The following ZNF277 variants were observed in gnomAD, a reference collection of about 807,000 sequenced individuals.
ZNF277 encodes zinc finger protein 277, also known as nuclear receptor-interacting factor 4.
A neutral mutation model predicts 60.7 loss-of-function variants in ZNF277; 55 were observed. That is an observed-to-expected ratio of 0.91 (90% CI 0.73 to 1.13). The LOEUF (loss-of-function observed/expected upper bound fraction) is 1.13, where lower values mean the gene tolerates loss of function less well. Ranked by LOEUF, ZNF277 falls within the 50% of genes most tolerant of loss-of-function variation. The pLI is 0.00. For synonymous variants in ZNF277, 178 were observed against 179.3 expected (o/e 0.99, Z 0.06); for missense variants, 510 against 523.0 (o/e 0.98, Z 0.24).
rs115231140 is a variant in ZNF277 at position 112,250,885 on chromosome 7, G to T, written c.92-35988G>T. Among the ~76,000 whole-genome samples, 915 of 152,190 alleles carry T rather than the reference G, an allele frequency of 6.0e-3. 9 individuals carry two copies. The highest frequency in any genetic ancestry group is 0.021 in the African/African-American group (860 of 41,524). ...CATTAATTTTTATCCAAATCATTTT[G>T]CATCTTCTACCAGTCTCCCTTCTTC... On this transcript the variant is annotated intron_variant, in intron 1 of 11. Transcript: ENST00000361822.
intron 1 of ZNF277, among the ~76,000 whole-genome samples, chr7:112,283,416 G>A (rs909094342): frequency 9.2e-5 from 14 of 152,034 alleles, no homozygotes; most frequent in African/African-American, 2.4e-4. Flanking sequence ...CCAGCTACTC[G>A]GAAGGCTGAC....
chr7:112,340,930 A>T lies in ZNF277; in HGVS notation c.1068A>T (p.Gln356His), dbSNP rs753974086. ...LVNFIRRQVH[Q>H]CRCYGCHVKF... ...ATTTTATTCGGAGGCAAGTTCACCA[A>T]TGCAGATGTTATGGCTGCCATGTGA... The change falls in exon 11 of 12, where the codon CAA (glutamine) becomes CAT (histidine). Residue 356 changes from glutamine to histidine, a missense_variant. Physicochemically the swap from Gln to His is conservative, Grantham distance 24. Transcript: ENST00000361822. 1 of 1,612,926 alleles carries T rather than the reference A, an allele frequency of 6.2e-7. No homozygotes were observed. Among genetic ancestry groups the T allele is most frequent in the Non-Finnish European group, 8.5e-7 (1 of 1,179,602 alleles).
At chr7:112,319,924 A>G (rs1445496815) in intron 5 of ZNF277, among the ~76,000 whole-genome samples, 1 of 151,916 alleles carries the variant, frequency 6.6e-6, no homozygotes, top group African/African-American at 2.4e-5. Context: ...CCATGCCACC[A>G]TCAGAAAATT....
intron 1 of ZNF277, among the ~76,000 whole-genome samples, chr7:112,269,022 A>G (rs992588654): frequency 1.3e-5 from 2 of 152,160 alleles, no homozygotes; most frequent in African/African-American, 4.8e-5. Flanking sequence ...ACAGTTTGTT[A>G]TCTGGCATTA....
chr7:112,302,949 CT>C (rs34593342), intron 4 of ZNF277, among the ~76,000 whole-genome samples: 17,121 of 132,562 alleles, frequency 0.13, 718 homozygotes, highest in Middle Eastern at 0.17. Context: ...GCAAATAGGC[CT>C]TTTTTTTTTT....
chr7:112,312,649 C>G (rs773581053), intron 4 of ZNF277, among the ~76,000 whole-genome samples: 1 of 151,908 alleles, frequency 6.6e-6, no homozygotes, highest in African/African-American at 2.4e-5. Flanking sequence ...TCACAGTTAC[C>G]GAATGTAAAT....
chr7:112,321,640 T>C (rs1343506096), intron 5 of ZNF277, among the ~76,000 whole-genome samples: 1 of 152,160 alleles, frequency 6.6e-6, no homozygotes, highest in East Asian at 1.9e-4. Flanking sequence ...CAGTTTCTTG[T>C]TGGAGAGATC....
At chr7:112,286,841 C>CTTTTTTTCTTTTTT (rs1792074355) in intron 1 of ZNF277, 32 bp from the exon 2 acceptor site, 1 of 788,896 alleles carries the variant, frequency 1.3e-6, no homozygotes, top group African/African-American at 3.1e-5. Flanking sequence ...TTCTTTCTTT[C>CTTTTTTTCTTTTTT]TTTTTTTTTT....
chr7:112,292,525 G>GA (rs1053990010), intron 2 of ZNF277, among the ~76,000 whole-genome samples: 6 of 152,018 alleles, frequency 3.9e-5, no homozygotes, highest in Non-Finnish European at 8.8e-5. Flanking sequence ...TCTCTGAGGG[G>GA]AAAAAAATGC....
At position 112,235,849 on chromosome 7, in the gene ZNF277, CT is replaced by C. The variant is rs554267386; in HGVS notation, c.91+29043del. The stretch of plus-strand genomic sequence containing the variant: ...CATTTCCTAACCAAAAAAGCTCTGC[CT>C]AATCCAAGGTCATTAATATTGACCC... On this transcript the variant is annotated intron_variant, in intron 1 of 11. Transcript: ENST00000361822. Among the ~76,000 whole-genome samples, 181 of 151,938 alleles carry C rather than the reference CT, an allele frequency of 1.2e-3. 2 individuals are homozygous for C. Among genetic ancestry groups the C allele is most frequent in the Middle Eastern group, 3.4e-3 (1 of 294 alleles).
At chr7:112,226,338 C>T (rs1563196981) in intron 1 of ZNF277, among the ~76,000 whole-genome samples, 1 of 152,160 alleles carries the variant, frequency 6.6e-6, no homozygotes, top group Non-Finnish European at 1.5e-5. Flanking sequence ...GGAGATGTAG[C>T]ATCCTTTAAG....
At chr7:112,241,448 AG>A (rs1315167229) in intron 1 of ZNF277, among the ~76,000 whole-genome samples, 2 of 152,156 alleles carry the variant, frequency 1.3e-5, no homozygotes, top group Admixed American at 1.3e-4. Flanking sequence ...AACAGTTTGG[AG>A]GTTGCTCAAA....
At chr7:112,260,993 A>C (rs892294499) in intron 1 of ZNF277, among the ~76,000 whole-genome samples, 3 of 152,206 alleles carry the variant, frequency 2.0e-5, no homozygotes, top group African/African-American at 7.2e-5. Context: ...GTGAGAAAGA[A>C]AGATCAGAAC....
At position 112,337,749 on chromosome 7, in the gene ZNF277, G is replaced by T. The variant is rs765952686; in HGVS notation, c.889G>T (p.Glu297Ter). Residue 297 changes from glutamate to a stop codon, truncating the protein, a stop_gained, in exon 9 of 12, where the codon GAA (glutamate) becomes TAA (stop). Transcript: ENST00000361822. LOFTEE classifies it high-confidence loss of function. ...HQEDDWSDWE[E>*]HPASAVCLFC... ...ATTCAGTGACTGGTCTGATTGGGAA[G>T]AACACCCTGCCTCTGCAGTCTGCTT... The T allele has an allele frequency of 6.2e-7, 1 of 1,612,236 alleles. No homozygotes were observed. The highest frequency in any genetic ancestry group is 1.7e-5 in the Admixed American group (1 of 59,970).
chr7:112,311,229 G>A (rs1792724868), intron 4 of ZNF277, among the ~76,000 whole-genome samples: 1 of 152,026 alleles, frequency 6.6e-6, no homozygotes, highest in Non-Finnish European at 1.5e-5. Context: ...TCTGCTTTTA[G>A]CTTATGAATA....
rs1382865928 is a variant in ZNF277 at position 112,249,427 on chromosome 7, CG to C, written c.92-37442del. On this transcript the variant is annotated intron_variant, in intron 1 of 11. Transcript: ENST00000361822. ...GAGCCATTTGATCCCTTTCATGCCT[CG>C]GGGATTGGAAGAGAGAGGTCTGCTT... is the stretch of plus-strand genomic sequence containing the variant. Among the ~76,000 whole-genome samples the C allele has an allele frequency of 3.3e-5, 5 of 152,144 alleles. No individual in the cohort carries two copies. The East Asian group carries it at 7.7e-4, about 23-fold the overall frequency.
intron 1 of ZNF277, among the ~76,000 whole-genome samples, chr7:112,226,022 T>C (rs1822165772): frequency 6.6e-6 from 1 of 152,194 alleles, no homozygotes; most frequent in Non-Finnish European, 1.5e-5. Flanking sequence ...TCCCAAATAG[T>C]TGACTATCAC....
chr7:112,280,529 C>T (rs1434508496), intron 1 of ZNF277, among the ~76,000 whole-genome samples: 1 of 152,108 alleles, frequency 6.6e-6, no homozygotes, highest in Admixed American at 6.5e-5. Flanking sequence ...AGATGTTTGC[C>T]TCTTTGCTAA....
At chr7:112,246,256 T>C (rs1372112870) in intron 1 of ZNF277, among the ~76,000 whole-genome samples, 1 of 151,914 alleles carries the variant, frequency 6.6e-6, no homozygotes, top group Non-Finnish European at 1.5e-5. Flanking sequence ...GGCATGATGG[T>C]ACACACCTAT....
Sources: allele counts gnomAD v4.1 joint callset (sites outside exome capture counted in the v4.1 genomes callset), GRCh38; gene constraint gnomAD v4.1.1; transcripts MANE v1.5; gene names NCBI Gene and HGNC (gene_info 2026-07-23, HGNC 2026-07-21).